The following CHIC1 variants were observed in gnomAD, a reference collection of about 807,000 sequenced individuals.
CHIC1 encodes cysteine rich hydrophobic domain 1, also known as cysteine-rich hydrophobic domain-containing protein 1.
CHIC1 carries 7 observed loss-of-function variants against 18.5 expected under a neutral mutation model. The observed-to-expected ratio is 0.38, with a 90% confidence interval of 0.22 to 0.71. The LOEUF (loss-of-function observed/expected upper bound fraction) is 0.71, where lower values mean the gene tolerates loss of function less well. Ranked by LOEUF, CHIC1 falls within the 30% of genes least tolerant of loss-of-function variation. The pLI is 0.49. For missense variants in CHIC1, 159 were observed against 176.9 expected (o/e 0.90, Z 0.57); for synonymous variants, 77 against 73.5 (o/e 1.05, Z -0.25).
chrX:73,609,150 A>C (rs1227902069), intron 3 of CHIC1, among the ~76,000 whole-genome samples: 1 of 88,112 alleles, frequency 1.1e-5, no homozygotes, highest in Non-Finnish European at 2.1e-5. Flanking sequence ...GTGAGACACC[A>C]TCTCTAAAAA....
chrX:73,630,849 C>G (rs1193549157), intron 3 of CHIC1, among the ~76,000 whole-genome samples: 1 of 111,723 alleles, frequency 9.0e-6, no homozygotes, highest in Admixed American at 9.5e-5. Context: ...TAGAATTTAC[C>G]CATGAAGCCA....
chrX:73,636,660 C>G (rs1435686724), intron 3 of CHIC1, among the ~76,000 whole-genome samples: 2 of 108,686 alleles, frequency 1.8e-5, no homozygotes, highest in Non-Finnish European at 3.8e-5. Context: ...TTATTTTCTT[C>G]TAATTGTCTT....
chrX:73,568,253 G>T (rs1182175410), intron 1 of CHIC1, among the ~76,000 whole-genome samples: 1 of 111,390 alleles, frequency 9.0e-6, no homozygotes, highest in East Asian at 2.8e-4. Context: ...CTGTGTGTCA[G>T]AGTATTATCT....
rs762457739 is a variant in CHIC1 at position 73,677,165 on chromosome X, G to T, written c.508-2161G>T. On this transcript the variant is annotated intron_variant, in intron 3 of 5. Coordinates refer to ENST00000373502, the MANE Select transcript of CHIC1 (RefSeq NM_001039840.4). Reference sequence around the variant, plus strand: ...CTACTGGGGTGTGCCTCCCAGTTAGGCTACTCGGGGGTCAGGGACCCACTT... The same window carrying T: ...CTACTGGGGTGTGCCTCCCAGTTAGTCTACTCGGGGGTCAGGGACCCACTT... 1.9e-4 allele frequency among the ~76,000 whole-genome samples: 21 copies of T among 112,054 alleles called. 1 individual carries two copies. In the South Asian group the frequency reaches 5.3e-3, roughly 28 times the overall value.
intron 3 of CHIC1, among the ~76,000 whole-genome samples, chrX:73,636,233 G>A (rs2057830625): frequency 9.0e-6 from 1 of 111,146 alleles, no homozygotes; most frequent in African/African-American, 3.3e-5. Flanking sequence ...CCATTTATTT[G>A]TGTATTTAAT....
At chrX:73,593,772 G>A (rs1388752101) in intron 3 of CHIC1, among the ~76,000 whole-genome samples, 3 of 111,297 alleles carry the variant, frequency 2.7e-5, no homozygotes, top group Non-Finnish European at 5.7e-5. Context: ...TCAGTTTGGT[G>A]CTTTTTTAAT....
intron 3 of CHIC1, among the ~76,000 whole-genome samples, chrX:73,653,657 A>G (rs1249044757): frequency 8.9e-6 from 1 of 112,395 alleles, no homozygotes; most frequent in African/African-American, 3.2e-5. Context: ...TAGTGTGGAC[A>G]TTTTAACAAT....
rs1158333906 is a variant in CHIC1 at position 73,675,541 on chromosome X, C to G, written c.508-3785C>G. ...GGTTTAAAGTCTGTTTTATCAGAGA[C>G]TAGGATTGCAAACCCTGCCTTTTTT... On this transcript the variant is annotated intron_variant, in intron 3 of 5. Transcript: ENST00000373502. Among the ~76,000 whole-genome samples, 23 of 111,561 alleles carry G rather than the reference C, an allele frequency of 2.1e-4. No homozygotes were observed. In the Admixed American group the frequency reaches 2.1e-3, roughly 10 times the overall value.
rs2058100297 is a variant in CHIC1, at chrX:73,681,776, T to C, written c.*771T>C. ...TCAGGTGTAGGGCAAGGTTGCCCTT[T>C]GTAACAAGTGGACTAAAATTGAAAT... is the stretch of plus-strand genomic sequence containing the variant. On this transcript the variant is annotated 3_prime_UTR_variant, in exon 6 of 6. Transcript: ENST00000373502. 8.9e-6 allele frequency: 1 copy of C among 112,485 alleles called. No individual in the cohort carries two copies. Among genetic ancestry groups the C allele is most frequent in the Non-Finnish European group, 1.9e-5 (1 of 52,938 alleles). The allele number at this position is 112,485 out of a possible 1,213,427, so 9.3% of individuals were successfully genotyped here. A position where few individuals can be genotyped will look rare whatever the true frequency, so the allele number is the denominator to read the frequency against.
chrX:73,616,076 C>T (rs1292910949), intron 3 of CHIC1, among the ~76,000 whole-genome samples: 2 of 110,081 alleles, frequency 1.8e-5, no homozygotes, highest in African/African-American at 6.6e-5. Flanking sequence ...GGGTTATTGG[C>T]CCCCCTCCCC....
At chrX:73,680,426 G>T (rs372498570) in intron 5 of CHIC1, among the ~76,000 whole-genome samples, 3 of 110,806 alleles carry the variant, frequency 2.7e-5, no homozygotes, top group African/African-American at 9.8e-5. Flanking sequence ...AAAAATATCC[G>T]AGTTTTTTAA....
intron 3 of CHIC1, among the ~76,000 whole-genome samples, chrX:73,588,655 C>T (rs1025911230): frequency 9.0e-6 from 1 of 110,748 alleles, no homozygotes; most frequent in African/African-American, 3.3e-5. Context: ...TTCTTTTAAA[C>T]ATTTGGGAGA....
intron 3 of CHIC1, among the ~76,000 whole-genome samples, chrX:73,647,963 C>T (rs752903148): frequency 1.1e-4 from 12 of 111,661 alleles, no homozygotes; most frequent in Admixed American, 1.0e-3. Context: ...AGCAATTCTA[C>T]TGACATCAGG....
intron 3 of CHIC1, among the ~76,000 whole-genome samples, chrX:73,651,313 G>A (rs1022822681): frequency 2.7e-5 from 3 of 110,641 alleles, no homozygotes; most frequent in Admixed American, 9.7e-5. Context: ...TTTGAAAACC[G>A]GCACAAGACA....
intron 2 of CHIC1, among the ~76,000 whole-genome samples, chrX:73,582,497 C>T (rs191156631): frequency 1.8e-3 from 196 of 109,067 alleles, no homozygotes; most frequent in African/African-American, 6.2e-3. Context: ...AATTAAAGAG[C>T]ATTGAATCTG....
intron 3 of CHIC1, among the ~76,000 whole-genome samples, chrX:73,658,248 GTTTTTTTTTTTTTTTTT>G (rs869309622): frequency 1.8e-4 from 3 of 16,710 alleles, no homozygotes; most frequent in Non-Finnish European, 2.9e-4. Context: ...CTGGTCCTAG[GTTTTTTTTTTTTTTTTT>G]TTTTTTTTTT....
At position 73,633,589 on chromosome X, in the gene CHIC1, G is replaced by A. The variant is rs189825373; in HGVS notation, c.508-45737G>A. On this transcript the variant is annotated intron_variant, in intron 3 of 5. Transcript: ENST00000373502. ...TGTCCATTTCCTTTTCCAGATTTGG[G>A]AAGTTTTCCATCATTATTTATTTAA... Among the ~76,000 whole-genome samples the A allele has an allele frequency of 3.4e-4, 38 of 111,361 alleles. No homozygotes were observed. In the East Asian group the frequency reaches 9.1e-3, roughly 27 times the overall value.
intron 3 of CHIC1, among the ~76,000 whole-genome samples, chrX:73,667,124 G>T (rs1047499590): frequency 9.0e-6 from 1 of 111,611 alleles, no homozygotes; most frequent in African/African-American, 3.3e-5. Context: ...TGTCTTTTTT[G>T]ATCTTTGTTG....
At chrX:73,565,609 A>G in intron 1 of CHIC1, among the ~76,000 whole-genome samples, 1 of 112,078 alleles carries the variant, frequency 8.9e-6, no homozygotes. Flanking sequence ...GAAATCACAT[A>G]TGATATTAAA....
Sources: allele counts gnomAD v4.1 joint callset (sites outside exome capture counted in the v4.1 genomes callset), GRCh38; gene constraint gnomAD v4.1.1; transcripts MANE v1.5; gene names NCBI Gene and HGNC (gene_info 2026-07-23, HGNC 2026-07-21).